INSL6: variants seen among roughly 807,000 people sequenced by gnomAD.
The protein encoded by INSL6 is insulin like 6.
In INSL6, 16 loss-of-function variants were observed where a neutral mutation model predicts 9.4. The observed-to-expected ratio is 1.70, with a 90% CI of 1.15 to 2.59. The LOEUF is 2.59. Ranked by LOEUF, INSL6 falls within the 30% of genes most tolerant of loss-of-function variation. The probability of loss-of-function intolerance (pLI) is 0.00; values close to 1 mark genes in which losing one functional copy is unlikely to be tolerated. For missense variants in INSL6, 391 were observed against 257.3 expected (o/e 1.52, Z -3.56); for synonymous variants, 154 against 96.9 (o/e 1.59, Z -3.46).
At chr9:5,152,825 T>C (rs1824737147) in intron 2 of INSL6, among the ~76,000 whole-genome samples, 1 of 152,134 alleles carries the variant, frequency 6.6e-6, no homozygotes, top group South Asian at 2.1e-4. Context: ...GGCAGGTGAT[T>C]TCTGCATTTC....
At chr9:5,054,558 C>CA in the INSL6 span, 1 of 1,538,050 alleles carries the variant, frequency 6.5e-7, no homozygotes, top group Non-Finnish European at 8.8e-7. This position sits in a 1 kb window ranked among gnomAD's most constrained non-coding sequence, Gnocchi z 4.9. Context: ...CTTTTTTATC[C>CA]CTAGCTACAA....
the INSL6 span, among the ~76,000 whole-genome samples, chr9:5,084,004 ATAATT>A: frequency 1.3e-5 from 2 of 152,134 alleles, no homozygotes; most frequent in Non-Finnish European, 2.9e-5. Flanking sequence ...TGAATATACC[ATAATT>A]TATTTACAAC....
the INSL6 span, among the ~76,000 whole-genome samples, chr9:5,038,282 T>C: frequency 6.6e-6 from 1 of 152,076 alleles, no homozygotes; most frequent in Admixed American, 6.5e-5. Flanking sequence ...CTATGACAAA[T>C]AAAGAAATCA....
chr9:5,068,941 TG>T, the INSL6 span: 1 of 771,408 alleles, frequency 1.3e-6, no homozygotes, highest in Non-Finnish European at 2.1e-6. Context: ...TGCTTGTTCT[TG>T]TGATATCATT....
intron 1 of INSL6, among the ~76,000 whole-genome samples, chr9:5,175,108 T>TTTTTGTG (rs1825268791): frequency 1.3e-5 from 2 of 151,870 alleles, no homozygotes; most frequent in Admixed American, 1.3e-4. Flanking sequence ...CCCAGCAAAT[T>TTTTTGTG]TTTTGTGTTT....
intron 1 of INSL6, among the ~76,000 whole-genome samples, chr9:5,174,128 C>T (rs1825246129): frequency 6.6e-6 from 1 of 152,200 alleles, no homozygotes; most frequent in African/African-American, 2.4e-5. Flanking sequence ...CATTCTTCAT[C>T]AGTTTTTAAC....
chr9:5,087,065 T>C, the INSL6 span, among the ~76,000 whole-genome samples: 1 of 152,222 alleles, frequency 6.6e-6, no homozygotes, highest in Non-Finnish European at 1.5e-5. Context: ...CTTTATTGTT[T>C]TCATTGAAAA....
At chr9:5,172,671 G>A (rs1185536775) in intron 1 of INSL6, among the ~76,000 whole-genome samples, 3 of 152,196 alleles carry the variant, frequency 2.0e-5, no homozygotes, top group Non-Finnish European at 4.4e-5. Context: ...GCTCACGCCT[G>A]TAATCCCAGC....
the INSL6 span, chr9:5,089,963 T>A: frequency 1.4e-6 from 1 of 711,720 alleles, no homozygotes; most frequent in Non-Finnish European, 2.0e-6. Context: ...CTTATGCCAA[T>A]GCCCAGAGGG....
At chr9:5,161,393 AC>A (rs1484853543), downstream of INSL6, among the ~76,000 whole-genome samples, 2 of 152,180 alleles carry the variant, frequency 1.3e-5, no homozygotes, top group Non-Finnish European at 2.9e-5. Context: ...TCATGCTAAA[AC>A]CCCTCAAAAA....
At chr9:5,173,577 G>C (rs755410552) in intron 1 of INSL6, among the ~76,000 whole-genome samples, 1 of 151,986 alleles carries the variant, frequency 6.6e-6, no homozygotes, top group Non-Finnish European at 1.5e-5. Flanking sequence ...CGTGAACATG[G>C]GGAAGCAAAA....
At chr9:5,148,560 C>A (rs539881724) in intron 2 of INSL6, among the ~76,000 whole-genome samples, 4 of 152,254 alleles carry the variant, frequency 2.6e-5, no homozygotes, top group African/African-American at 9.6e-5. Context: ...GGGAAATAGG[C>A]CATACCCTTA....
chr9:5,048,855 C>T, the INSL6 span, among the ~76,000 whole-genome samples: 6 of 152,102 alleles, frequency 3.9e-5, no homozygotes, highest in South Asian at 2.1e-4. Flanking sequence ...GGCCCTTGTC[C>T]GGTTTAAAAC....
At chr9:5,111,937 C>G in the INSL6 span, 1 of 346,742 alleles carries the variant, frequency 2.9e-6, no homozygotes, top group Non-Finnish European at 5.7e-6. Context: ...CCGGATCACT[C>G]AAGCAATAAC....
chr9:5,077,436 C>T, the INSL6 span: 7 of 945,086 alleles, frequency 7.4e-6, no homozygotes, highest in Non-Finnish European at 1.0e-5. Context: ...ATTATTATTA[C>T]TTATATTTTA....
chr9:5,169,002 T>C (rs1456039323), intron 1 of INSL6, among the ~76,000 whole-genome samples: 1 of 152,010 alleles, frequency 6.6e-6, no homozygotes, highest in African/African-American at 2.4e-5. Context: ...CTCGGCTCAC[T>C]GCAACCTCGG....
chr9:5,165,118 T>A (rs1276938025), intron 1 of INSL6, among the ~76,000 whole-genome samples: 1 of 152,018 alleles, frequency 6.6e-6, no homozygotes, highest in South Asian at 2.1e-4. Context: ...TGCTGAGGCA[T>A]GAGAATCACT....
the INSL6 span, among the ~76,000 whole-genome samples, chr9:5,014,963 C>A: frequency 6.6e-6 from 1 of 151,744 alleles, no homozygotes; most frequent in Admixed American, 6.6e-5. Flanking sequence ...TTGTTTAACA[C>A]ATGTATATGC....
the INSL6 span, chr9:5,073,730 G>A: frequency 6.2e-7 from 1 of 1,612,318 alleles, no homozygotes; most frequent in Non-Finnish European, 8.5e-7. Context: ...TGATGAGCAA[G>A]CTTTCTCACA....
Sources: gnomAD v4.1 joint callset for allele counts (sites outside exome capture counted in the v4.1 genomes callset) on GRCh38, gnomAD v4.1.1 for gene constraint, Gnocchi (gnomAD v3.1) non-coding constraint, MANE v1.5 for transcripts, NCBI Gene and HGNC (gene_info 2026-07-23, HGNC 2026-07-21) for gene names.